Variants in RFC1 observed in about 807,000 individuals in gnomAD.
RFC1 encodes the protein replication factor C subunit 1, also known as A1 140 kDa subunit.
Under a neutral mutation model 137.4 loss-of-function variants are expected in RFC1, and 37 were observed. That is an observed-to-expected ratio of 0.27 (90% CI 0.21 to 0.35). The LOEUF (loss-of-function observed/expected upper bound fraction) is 0.35. Among genes scored for constraint, RFC1 ranks in the 10% least tolerant of loss-of-function variants. The pLI is 1.00. For synonymous variants in RFC1, 429 were observed against 455.7 expected (o/e 0.94, Z 0.75); for missense variants, 1,205 against 1,358.5 (o/e 0.89, Z 1.78).
chr4:39,330,891 A>G (rs968545840), intron 4 of RFC1, among the ~76,000 whole-genome samples: 13 of 152,190 alleles, frequency 8.5e-5, no homozygotes, highest in African/African-American at 2.7e-4. Flanking sequence ...AGGTTCAGTC[A>G]TTCATATATA....
In RFC1 at chr4:39,308,665, T is replaced by G. The variant is rs1222450872; in HGVS notation, c.1856A>C (p.Gln619Pro). 6 of 1,611,736 alleles carry G rather than the reference T, an allele frequency of 3.7e-6. No homozygotes were observed. The East Asian group carries it at 1.3e-4, about 36-fold the overall frequency. ...TTTTTTATCTTCGGAAGAACTCTTT[T>G]GCCAGTTTCGGAGCCAGCGTAGGAG... ...NKLLRWLRNW[Q>P]KSSSEDKKHA... The change falls in exon 13 of 25, where the codon CAA becomes CCA. Residue 619 changes from glutamine (Q) to proline (P), a missense_variant. Physicochemically the swap from Gln to Pro is moderately conservative, Grantham distance 76 (BLOSUM62 -1). This residue lies in a region of RFC1 where 962 missense variants were observed against 1,035.3 expected (regional missense o/e 0.93). Coordinates refer to ENST00000349703, the MANE Select transcript of RFC1 (RefSeq NM_002913.5).
chr4:39,318,973 G>A lies in RFC1; in HGVS notation c.1095+1410C>T, dbSNP rs556430158. Among the ~76,000 whole-genome samples the A allele has an allele frequency of 6.6e-5, 10 of 152,136 alleles. No individual in the cohort carries two copies. In the South Asian group the frequency reaches 1.0e-3, roughly 16 times the overall value. ...CAAATTGGAGATTCAGAGACCGTTC[G>A]CTTCTCAAATATATTTCCTAGCAAA... On this transcript the variant is annotated intron_variant, in intron 9 of 24. Coordinates refer to ENST00000349703, the MANE Select transcript of RFC1 (RefSeq NM_002913.5).
intron 4 of RFC1, chr4:39,341,419 C>A: frequency 2.8e-6 from 1 of 354,220 alleles, no homozygotes; most frequent in South Asian, 2.2e-5. Context: ...GTCAATCAGC[C>A]ACCTGCCCAT....
chr4:39,337,150 G>A lies in RFC1; in HGVS notation c.331+5195C>T, dbSNP rs577303173. Among the ~76,000 whole-genome samples the A allele has an allele frequency of 1.1e-3, 164 of 152,236 alleles. 1 individual carries two copies. Among genetic ancestry groups the A allele is most frequent in the Non-Finnish European group, 1.8e-3 (125 of 68,016 alleles). ...AGCACTTTGGGAGGCCGAGGCAGGCGGATCACCTGAGGTCGGGAGTTCGAG... is the reference window on the plus strand; with the variant it reads ...AGCACTTTGGGAGGCCGAGGCAGGCAGATCACCTGAGGTCGGGAGTTCGAG... On this transcript the variant is annotated intron_variant, in intron 4 of 24. Coordinates refer to ENST00000349703, the MANE Select transcript of RFC1 (RefSeq NM_002913.5).
Position 39,345,590 on chromosome 4 carries a change from G to A in RFC1, c.133-114C>T, listed in dbSNP as rs532849697. On this transcript the variant is annotated intron_variant, in intron 2 of 24. Coordinates refer to ENST00000349703, the MANE Select transcript of RFC1 (RefSeq NM_002913.5). ...GGCTGGAGCGCAGTGGCACGATCTCGGCTCACTGCAAGCTCCGCCTCCCAG... is the reference window on the plus strand; with the variant it reads ...GGCTGGAGCGCAGTGGCACGATCTCAGCTCACTGCAAGCTCCGCCTCCCAG... The A allele has an allele frequency of 1.3e-4, 99 of 740,252 alleles. No homozygotes were observed. The African/African-American group carries it at 1.4e-3, about 10-fold the overall frequency. 45.9% of individuals were successfully genotyped at this position (740,252 alleles called of 1,614,324 possible).
chr4:39,333,612 A>G (rs1483279133), intron 4 of RFC1, among the ~76,000 whole-genome samples: 1 of 152,130 alleles, frequency 6.6e-6, no homozygotes, highest in Admixed American at 6.5e-5. Context: ...TGTCAAAAAA[A>G]CAAAATACAT....
chr4:39,338,043 G>C (rs1740444424), intron 4 of RFC1, among the ~76,000 whole-genome samples: 1 of 152,050 alleles, frequency 6.6e-6, no homozygotes, highest in Non-Finnish European at 1.5e-5. Context: ...CAAGACTCAA[G>C]GTCTCTCACT....
intron 4 of RFC1, among the ~76,000 whole-genome samples, chr4:39,340,560 G>A (rs1177418631): frequency 1.3e-5 from 2 of 152,070 alleles, no homozygotes; most frequent in African/African-American, 4.8e-5. Context: ...AAAGAGTAAT[G>A]AAAGCATTAC....
intron 4 of RFC1, among the ~76,000 whole-genome samples, chr4:39,332,927 G>A (rs747159224): frequency 1.3e-5 from 2 of 152,166 alleles, no homozygotes; most frequent in Non-Finnish European, 2.9e-5. Flanking sequence ...AGACCAGCCT[G>A]GGCAAAAGAG....
chr4:39,358,274 A>T (rs748622680), intron 1 of RFC1, among the ~76,000 whole-genome samples: 1 of 152,020 alleles, frequency 6.6e-6, no homozygotes, highest in South Asian at 2.1e-4. Context: ...TTCCGTTTCA[A>T]AAAAAAAGAA....
At chr4:39,342,305 T>A (rs1157263660) in intron 4 of RFC1, 40 bp downstream of exon 4, 1 of 1,576,482 alleles carries the variant, frequency 6.3e-7, no homozygotes, top group South Asian at 1.2e-5. Context: ...CTCAAGAACA[T>A]AACACACACG....
Position 39,316,763 on chromosome 4 carries a change from A to C in RFC1, c.1203+152T>G. 5.5e-6 allele frequency: 3 copies of C among 544,658 alleles called. No individual in the cohort carries two copies. In the Admixed American group the frequency reaches 1.0e-4, roughly 19 times the overall value. The allele number at this position is 544,658 out of a possible 1,614,324, so 33.7% of individuals were successfully genotyped here. On this transcript the variant is annotated intron_variant, in intron 10 of 24. Coordinates refer to ENST00000349703, the MANE Select transcript of RFC1 (RefSeq NM_002913.5). ...TCAAGCAGTGATTCATAACATGAAT[A>C]AACATCCCTAATTCTTGAAGACAGT...
chr4:39,341,662 T>G, intron 4 of RFC1: 1 of 456,224 alleles, frequency 2.2e-6, no homozygotes, highest in Non-Finnish European at 4.4e-6. Context: ...GGTTATTGTC[T>G]CCTCTAAGGG....
At chr4:39,356,388 A>G (rs1741482575) in intron 1 of RFC1, among the ~76,000 whole-genome samples, 1 of 152,176 alleles carries the variant, frequency 6.6e-6, no homozygotes, top group African/African-American at 2.4e-5. Context: ...AAAAAGTGCA[A>G]AACTCCGTCT....
intron 1 of RFC1, chr4:39,365,435 A>G (rs553918763): frequency 1.0e-6 from 1 of 981,540 alleles, no homozygotes; most frequent in Non-Finnish European, 1.2e-6. Flanking sequence ...AAATATTTCA[A>G]ACACAGAGCC....
intron 1 of RFC1, among the ~76,000 whole-genome samples, chr4:39,358,915 T>G (rs1305495626): frequency 6.6e-6 from 1 of 152,230 alleles, no homozygotes; most frequent in Non-Finnish European, 1.5e-5. Context: ...ATCTTGTGTC[T>G]GTTTCTCCAG....
At chr4:39,326,457 C>T (rs957672943) in intron 6 of RFC1, 106 bp downstream of exon 6, 6 of 740,808 alleles carry the variant, frequency 8.1e-6, no homozygotes, top group Non-Finnish European at 1.3e-5. Flanking sequence ...TAGATTTTAA[C>T]TTATTTTACA....
intron 4 of RFC1, chr4:39,341,697 C>A (rs1740613341): frequency 2.2e-6 from 1 of 455,924 alleles, no homozygotes; most frequent in African/African-American, 2.0e-5. Flanking sequence ...ATCAAAATGA[C>A]TTCACCACTA....
chr4:39,298,287 GA>G (rs1738139147), intron 21 of RFC1, among the ~76,000 whole-genome samples: 1 of 123,138 alleles, frequency 8.1e-6, no homozygotes, highest in African/African-American at 2.9e-5. Context: ...CAGACTGCCT[GA>G]CAGAGTGAGA....
Sources: gnomAD v4.1 joint callset for allele counts (sites outside exome capture counted in the v4.1 genomes callset) on GRCh38, gnomAD v4.1.1 for gene constraint, gnomAD v4.1.1 regional missense constraint, MANE v1.5 for transcripts, NCBI Gene and HGNC (gene_info 2026-07-23, HGNC 2026-07-21) for gene names.